Variants in GRIK2 observed in about 807,000 individuals in gnomAD.
GRIK2 encodes the protein glutamate ionotropic receptor kainate type subunit 2, also known as glutamate receptor ionotropic, kainate 2.
GRIK2 carries 32 observed loss-of-function variants against 100.3 expected under a neutral mutation model. The observed-to-expected ratio is 0.32, with a 90% confidence interval of 0.24 to 0.43. The LOEUF (loss-of-function observed/expected upper bound fraction) is 0.43. GRIK2 is among the 20% of genes least tolerant of loss of function. The probability of loss-of-function intolerance (pLI) is 1.00; values close to 1 mark genes in which losing one functional copy is unlikely to be tolerated. For missense variants in GRIK2, 843 were observed against 1,114.9 expected (o/e 0.76, Z 3.47); for synonymous variants, 417 against 389.4 (o/e 1.07, Z -0.83).
intron 16 of GRIK2, among the ~76,000 whole-genome samples, chr6:102,058,285 T>C (rs1771564059): frequency 1.3e-5 from 2 of 151,854 alleles, no homozygotes; most frequent in South Asian, 4.1e-4. Flanking sequence ...TAGTATTTTT[T>C]GTTTGTATCT....
intron 14 of GRIK2, among the ~76,000 whole-genome samples, chr6:101,949,584 C>T (rs866291153): frequency 2.0e-5 from 3 of 152,116 alleles, no homozygotes; most frequent in African/African-American, 7.2e-5. Flanking sequence ...GTTCAACTCC[C>T]ACTTATAAGT....
At chr6:101,891,040 G>A (rs1452252123) in intron 12 of GRIK2, among the ~76,000 whole-genome samples, 6 of 150,444 alleles carry the variant, frequency 4.0e-5, no homozygotes, top group Non-Finnish European at 1.5e-5. Context: ...AATATGCAGT[G>A]CCTTTTCAAT....
At chr6:101,933,479 A>G (rs555121736) in intron 14 of GRIK2, among the ~76,000 whole-genome samples, 7 of 152,056 alleles carry the variant, frequency 4.6e-5, no homozygotes, top group Non-Finnish European at 8.8e-5. Context: ...CCAAAAGATT[A>G]TTAGTTCATT....
intron 14 of GRIK2, among the ~76,000 whole-genome samples, chr6:101,996,451 A>T (rs1794654146): frequency 6.6e-6 from 1 of 152,076 alleles, no homozygotes; most frequent in Non-Finnish European, 1.5e-5. Context: ...TTACTTTTAC[A>T]GATAACCAAA....
chr6:101,690,481 T>C (rs951865784), intron 7 of GRIK2, among the ~76,000 whole-genome samples: 3 of 152,148 alleles, frequency 2.0e-5, no homozygotes, highest in Non-Finnish European at 4.4e-5. Context: ...AACTTTATCT[T>C]AGTTATGATC....
At chr6:101,847,660 T>C (rs1370392251) in intron 10 of GRIK2, among the ~76,000 whole-genome samples, 1 of 152,136 alleles carries the variant, frequency 6.6e-6, no homozygotes, top group African/African-American at 2.4e-5. Flanking sequence ...GCCAGGCAGT[T>C]TACAATTCTG....
At chr6:101,827,113 C>G (rs893102091) in intron 10 of GRIK2, among the ~76,000 whole-genome samples, 5 of 151,838 alleles carry the variant, frequency 3.3e-5, no homozygotes, top group South Asian at 2.1e-4. Flanking sequence ...TTATGGCCAA[C>G]AAGACTTAGA....
chr6:101,674,121 T>G (rs1341487492), intron 4 of GRIK2, among the ~76,000 whole-genome samples: 1 of 152,214 alleles, frequency 6.6e-6, no homozygotes, highest in East Asian at 1.9e-4. Context: ...ATAATATAGT[T>G]ACTATCCTGT....
chr6:102,003,362 C>T (rs902288034), intron 14 of GRIK2, among the ~76,000 whole-genome samples: 2 of 151,538 alleles, frequency 1.3e-5, no homozygotes, highest in Non-Finnish European at 3.0e-5. Flanking sequence ...TTCTATTTTG[C>T]TATTTACTTC....
chr6:101,795,576 C>A (rs1466855137), intron 7 of GRIK2, among the ~76,000 whole-genome samples: 3 of 152,148 alleles, frequency 2.0e-5, no homozygotes, highest in Non-Finnish European at 2.9e-5. Context: ...ATTCCTGGGC[C>A]CCTAAGCAGT....
chr6:101,625,485 G>A (rs1422023806), intron 3 of GRIK2, among the ~76,000 whole-genome samples: 2 of 151,806 alleles, frequency 1.3e-5, no homozygotes, highest in African/African-American at 4.8e-5. Context: ...CCCATCAAGT[G>A]AAACAAACTT....
intron 14 of GRIK2, among the ~76,000 whole-genome samples, chr6:102,001,362 C>T (rs1263992822): frequency 6.6e-6 from 1 of 151,588 alleles, no homozygotes; most frequent in East Asian, 2.0e-4. Context: ...TCCTTGTTCC[C>T]CACCCCCCGA....
intron 14 of GRIK2, among the ~76,000 whole-genome samples, chr6:102,030,403 T>C (rs901415630): frequency 2.6e-5 from 4 of 151,094 alleles, no homozygotes; most frequent in African/African-American, 4.8e-5. Flanking sequence ...GGTTGTACTT[T>C]TTATTTTATT....
chr6:101,960,432 TTA>T (rs1384907597), intron 14 of GRIK2, among the ~76,000 whole-genome samples: 1 of 152,168 alleles, frequency 6.6e-6, no homozygotes, highest in Non-Finnish European at 1.5e-5. Flanking sequence ...AGTTTTTATG[TTA>T]GTTCCTTCTC....
Position 102,061,588 on chromosome 6 carries a change from A to ATGAG in GRIK2, c.2562+6010_2562+6013dup, listed in dbSNP as rs1373630126. Among the ~76,000 whole-genome samples, 32 of 150,612 alleles carry ATGAG rather than the reference A, an allele frequency of 2.1e-4. 1 individual carries two copies. The highest frequency in any genetic ancestry group is 9.3e-4 in the Admixed American group (14 of 15,048). ...AATTTCACCTTCCTAGATAGTAAGC[A>ATGAG]TGAGTTATGGAATTAAAAAGACTTG... On this transcript the variant is annotated intron_variant, in intron 16 of 16. Transcript: ENST00000369134.
At chr6:101,583,793 A>T (rs982726734) in intron 2 of GRIK2, among the ~76,000 whole-genome samples, 1 of 151,918 alleles carries the variant, frequency 6.6e-6, no homozygotes, top group Admixed American at 6.6e-5. Flanking sequence ...CTTTTGTTTG[A>T]TGTTGTATGT....
At chr6:101,627,566 T>A (rs1296650929) in intron 4 of GRIK2, among the ~76,000 whole-genome samples, 1 of 152,182 alleles carries the variant, frequency 6.6e-6, no homozygotes, top group African/African-American at 2.4e-5. Flanking sequence ...TACTATTTTA[T>A]CTGGCTGTTT....
chr6:101,464,763 G>A (rs1248906112), intron 2 of GRIK2, among the ~76,000 whole-genome samples: 2 of 151,440 alleles, frequency 1.3e-5, no homozygotes, highest in Non-Finnish European at 2.9e-5. Flanking sequence ...CTCGTGATCT[G>A]CCCGCCTCAG....
At chr6:101,912,886 G>C (rs1788843333) in intron 12 of GRIK2, among the ~76,000 whole-genome samples, 1 of 151,368 alleles carries the variant, frequency 6.6e-6, no homozygotes, top group African/African-American at 2.4e-5. Flanking sequence ...CTTAAGATGA[G>C]AGTAATGCAA....
Sources: allele counts gnomAD v4.1 joint callset (sites outside exome capture counted in the v4.1 genomes callset), GRCh38; gene constraint gnomAD v4.1.1; transcripts MANE v1.5; gene names NCBI Gene and HGNC (gene_info 2026-07-23, HGNC 2026-07-21).